Variants in OSBP2 observed in about 807,000 individuals in gnomAD.
The protein encoded by OSBP2 is oxysterol binding protein 2.
A neutral mutation model predicts 96.0 loss-of-function variants in OSBP2; 66 were observed. The observed-to-expected ratio is 0.69, with a 90% CI of 0.56 to 0.84. The LOEUF (loss-of-function observed/expected upper bound fraction) is 0.84, where lower values mean the gene tolerates loss of function less well. Ranked by LOEUF, OSBP2 falls within the 40% of genes least tolerant of loss-of-function variation. The pLI is 0.00. For synonymous variants in OSBP2, 525 were observed against 520.9 expected (o/e 1.01, Z -0.11); for missense variants, 1,038 against 1,222.7 (o/e 0.85, Z 2.25).
intron 2 of OSBP2, among the ~76,000 whole-genome samples, chr22:30,830,348 G>A (rs971552582): frequency 6.6e-6 from 1 of 152,204 alleles, no homozygotes; most frequent in South Asian, 2.1e-4. Context: ...TGTCAAGGCG[G>A]AAGGAGGCCA....
chr22:30,797,399 C>T (rs1427362005), intron 2 of OSBP2, among the ~76,000 whole-genome samples: 2 of 151,958 alleles, frequency 1.3e-5, no homozygotes, highest in African/African-American at 4.8e-5. Flanking sequence ...TCTCCTGCCT[C>T]AGCCTCTCGA....
At chr22:30,882,296 A>C (rs986773772) in intron 3 of OSBP2, among the ~76,000 whole-genome samples, 5 of 152,180 alleles carry the variant, frequency 3.3e-5, no homozygotes, top group African/African-American at 9.7e-5. Flanking sequence ...CTGGGATCCC[A>C]CAACATCCCT....
chr22:30,814,239 G>A (rs1042123916), intron 2 of OSBP2, among the ~76,000 whole-genome samples: 1 of 151,952 alleles, frequency 6.6e-6, no homozygotes, highest in Non-Finnish European at 1.5e-5. Flanking sequence ...TCACAGTTCT[G>A]GAAGCTAGAA....
At chr22:30,701,344 C>CTTTTTTTTTTTTTTTTTTTTTTTTCT (rs1228654999) in intron 1 of OSBP2, among the ~76,000 whole-genome samples, 1 of 127,990 alleles carries the variant, frequency 7.8e-6, no homozygotes, top group African/African-American at 2.8e-5. Context: ...TTTTTCTTTT[C>CTTTTTTTTTTTTTTTTTTTTTTTTCT]TTTTTTTTTT....
chr22:30,697,985 G>A (rs1602136658), intron 1 of OSBP2, among the ~76,000 whole-genome samples: 1 of 152,148 alleles, frequency 6.6e-6, no homozygotes, highest in African/African-American at 2.4e-5. Context: ...CTTTTGAAGT[G>A]CAGCTGGAAT....
intron 2 of OSBP2, among the ~76,000 whole-genome samples, chr22:30,748,738 A>G (rs2145751860): frequency 6.6e-6 from 1 of 152,362 alleles, no homozygotes; most frequent in Admixed American, 6.5e-5. Context: ...AGTGAAGTTA[A>G]GATCACTTAT....
In OSBP2 at chr22:30,881,875, G is replaced by A; in HGVS notation, c.1108-5551G>A. The A allele has an allele frequency of 2.4e-6, 3 of 1,263,356 alleles. No homozygotes were observed. The highest frequency in any genetic ancestry group is 3.1e-6 in the Non-Finnish European group (3 of 956,200). 78.3% of individuals were successfully genotyped at this position (1,263,356 alleles called of 1,614,324 possible). A position where few individuals can be genotyped will look rare whatever the true frequency, so the allele number is the denominator to read the frequency against. Reference sequence around the variant, plus strand: ...GGGGTGACCAGGCAGCTCATGTGCTGTGGGGGTAAAGGTCTTGGGTGCAGC... The same window carrying A: ...GGGGTGACCAGGCAGCTCATGTGCTATGGGGGTAAAGGTCTTGGGTGCAGC... On this transcript the variant is annotated intron_variant, in intron 3 of 13. Coordinates refer to ENST00000332585, the MANE Select transcript of OSBP2 (RefSeq NM_030758.4). The surrounding 1 kb of genome is among the most constrained non-coding windows in gnomAD (Gnocchi z 4.5).
intron 2 of OSBP2, among the ~76,000 whole-genome samples, chr22:30,743,200 G>A (rs2089961904): frequency 6.6e-6 from 1 of 152,210 alleles, no homozygotes; most frequent in Non-Finnish European, 1.5e-5. Context: ...CCTGTGGAAG[G>A]AGCTCCAGCA....
chr22:30,803,364 C>T (rs1440789568), intron 2 of OSBP2, among the ~76,000 whole-genome samples: 1 of 152,244 alleles, frequency 6.6e-6, no homozygotes, highest in African/African-American at 2.4e-5. Context: ...GCAGGCCCCT[C>T]TGCCCTCACA....
At chr22:30,855,343 C>T (rs771012160) in intron 2 of OSBP2, among the ~76,000 whole-genome samples, 11 of 152,166 alleles carry the variant, frequency 7.2e-5, no homozygotes, top group Non-Finnish European at 1.2e-4. Context: ...AGAGCCAAAG[C>T]TGCCCACCAG....
chr22:30,858,667 T>G (rs2039137549), intron 2 of OSBP2, among the ~76,000 whole-genome samples: 2 of 150,956 alleles, frequency 1.3e-5, no homozygotes, highest in Non-Finnish European at 3.0e-5. Flanking sequence ...TCACCTGAGG[T>G]CAGGAGTTCA....
At chr22:30,840,322 AG>A (rs1375587998) in intron 2 of OSBP2, among the ~76,000 whole-genome samples, 6 of 149,812 alleles carry the variant, frequency 4.0e-5, no homozygotes, top group Non-Finnish European at 8.9e-5. Flanking sequence ...AAAAAGAAAA[AG>A]GAAAAAAAAA....
At chr22:30,788,825 G>C (rs1447548258) in intron 2 of OSBP2, among the ~76,000 whole-genome samples, 1 of 152,114 alleles carries the variant, frequency 6.6e-6, no homozygotes, top group Non-Finnish European at 1.5e-5. Flanking sequence ...CGATTCTCCT[G>C]CCTCAGCCTT....
chr22:30,706,280 C>T (rs1169597623), intron 1 of OSBP2, among the ~76,000 whole-genome samples: 3 of 151,918 alleles, frequency 2.0e-5, no homozygotes, highest in Admixed American at 6.6e-5. Context: ...GTTTTGGGGT[C>T]ATGCTGGGTG....
At chr22:30,762,041 C>T (rs528159639) in intron 2 of OSBP2, among the ~76,000 whole-genome samples, 3 of 149,548 alleles carry the variant, frequency 2.0e-5, no homozygotes, top group South Asian at 2.2e-4. Flanking sequence ...GGCGATATGG[C>T]GAAACTCCAT....
intron 2 of OSBP2, among the ~76,000 whole-genome samples, chr22:30,831,867 A>G (rs1196569762): frequency 6.6e-6 from 1 of 152,144 alleles, no homozygotes; most frequent in East Asian, 1.9e-4. Context: ...TCAGCACTCA[A>G]AGTCAGCACC....
chr22:30,859,007 G>A (rs745895865), intron 2 of OSBP2, among the ~76,000 whole-genome samples: 13 of 151,944 alleles, frequency 8.6e-5, no homozygotes, highest in Non-Finnish European at 1.6e-4. Context: ...GGCTGTGAGC[G>A]TCAACCAGGC....
chr22:30,713,229 C>T (rs1045135865), intron 1 of OSBP2, among the ~76,000 whole-genome samples: 2 of 151,846 alleles, frequency 1.3e-5, no homozygotes, highest in Non-Finnish European at 2.9e-5. Flanking sequence ...CAGGCGCCCG[C>T]CACCACGCCC....
chr22:30,792,368 T>G (rs1287400082), intron 2 of OSBP2, among the ~76,000 whole-genome samples: 1 of 152,164 alleles, frequency 6.6e-6, no homozygotes, highest in African/African-American at 2.4e-5. Flanking sequence ...AAGAAATAGT[T>G]TATGAATACA....
Sources: gnomAD v4.1 joint callset for allele counts (sites outside exome capture counted in the v4.1 genomes callset) on GRCh38, gnomAD v4.1.1 for gene constraint, Gnocchi (gnomAD v3.1) non-coding constraint, MANE v1.5 for transcripts, NCBI Gene and HGNC (gene_info 2026-07-23, HGNC 2026-07-21) for gene names.